RILPL2: variants seen among roughly 807,000 people sequenced by gnomAD.
The protein encoded by RILPL2 is RILP-like protein 2.
RILPL2 carries 19 observed loss-of-function variants against 22.2 expected under a neutral mutation model. The ratio of observed to expected loss-of-function variants is 0.86; its 90% CI spans 0.60 to 1.25. The LOEUF (loss-of-function observed/expected upper bound fraction) is 1.25. Ranked by LOEUF, RILPL2 falls within the 50% of genes most tolerant of loss-of-function variation. RILPL2 has a pLI of 0.00. For missense variants in RILPL2, 243 were observed against 263.6 expected, an observed-to-expected ratio of 0.92 and a Z score of 0.54; for synonymous variants, 123 against 111.6, an observed-to-expected ratio of 1.10 and a Z score of -0.64.
rs767873529 is a variant in RILPL2, at chr12:123,415,871, C to A, written c.*20G>T. 9 of 1,613,700 alleles carry A rather than the reference C, an allele frequency of 5.6e-6. No homozygotes were observed. Among genetic ancestry groups the A allele is most frequent in the Non-Finnish European group, 4.2e-6 (5 of 1,179,618 alleles). On this transcript the variant is annotated 3_prime_UTR_variant, in exon 4 of 4. Transcript: ENST00000280571. ...TTGTCTTCTAGAATCAGAGCCATAG[C>A]CTTACTTGTGGCCTTGGATCTAGGT...
At chr12:123,413,971 G>C (rs544703736), downstream of RILPL2, 3 of 152,348 alleles carry the variant, frequency 2.0e-5, no homozygotes, top group Non-Finnish European at 2.9e-5. Context: ...ACAGAGTGCC[G>C]ATTGGTGTAT....
intron 3 of RILPL2, among the ~76,000 whole-genome samples, chr12:123,418,756 C>CTTTTTTTTTTTTTTTTTTTTT (rs1202023726): frequency 2.1e-5 from 2 of 96,240 alleles, no homozygotes; most frequent in Non-Finnish European, 4.0e-5. Context: ...CTTTTTCTTT[C>CTTTTTTTTTTTTTTTTTTTTT]TTTTTTTTTT....
chr12:123,426,264 T>C (rs1879439847), intron 2 of RILPL2, among the ~76,000 whole-genome samples: 1 of 151,982 alleles, frequency 6.6e-6, no homozygotes. Context: ...TTCTTGTGCC[T>C]CAGCCTTTTC....
intron 2 of RILPL2, among the ~76,000 whole-genome samples, chr12:123,425,884 T>C (rs1156883866): frequency 1.3e-5 from 2 of 152,018 alleles, no homozygotes; most frequent in East Asian, 3.9e-4. Flanking sequence ...ACTCCTGACC[T>C]CAGGCAATCT....
chr12:123,426,349 A>G (rs1879441708), intron 2 of RILPL2, among the ~76,000 whole-genome samples: 1 of 151,728 alleles, frequency 6.6e-6, no homozygotes, highest in African/African-American at 2.4e-5. Context: ...GAGTTTTGCC[A>G]TGTTGGCCAG....
chr12:123,433,365 T>C (rs992655587), intron 1 of RILPL2, among the ~76,000 whole-genome samples: 1 of 152,124 alleles, frequency 6.6e-6, no homozygotes, highest in Non-Finnish European at 1.5e-5. Flanking sequence ...TCCCAAAGTG[T>C]TGGGATTACA....
At position 123,436,169 on chromosome 12, in the gene RILPL2, C is replaced by T; in HGVS notation, c.252G>A (p.Leu84=). ...TCTCCATCTTCAGCTCCTCCAGCGC[C>T]AGGCTGCCCTCATTCACCAGCGCCT... ...MLEALVNEGS[L]ALEELKMERD... is the part of the protein sequence containing the mutation. Residue 84 remains leucine, a synonymous_variant, in exon 1 of 4, where the codon CTG becomes CTA. Transcript: ENST00000280571. This position sits in a 1 kb window ranked among gnomAD's most constrained non-coding sequence, Gnocchi z 6.7. 1 of 1,609,586 alleles carries T rather than the reference C, an allele frequency of 6.2e-7. No homozygotes were observed. Among genetic ancestry groups the T allele is most frequent in the Admixed American group, 1.7e-5 (1 of 59,396 alleles).
At chr12:123,411,522 C>T (rs1301050550), downstream of RILPL2, 1 of 149,886 alleles carries the variant, frequency 6.7e-6, no homozygotes, top group African/African-American at 2.5e-5. Flanking sequence ...GCAACCACCT[C>T]CTGTGCCTTC....
downstream of RILPL2, chr12:123,412,521 C>T (rs1020245687): frequency 2.0e-5 from 3 of 152,282 alleles, no homozygotes; most frequent in South Asian, 6.2e-4. Flanking sequence ...CTGGACTAGA[C>T]TCTTAAACAC....
In RILPL2 at chr12:123,430,365, C is replaced by T. The variant is rs573951879; in HGVS notation, c.491+143G>A. 48 of 645,634 alleles carry T rather than the reference C, an allele frequency of 7.4e-5. 1 individual carries two copies. The highest frequency in any genetic ancestry group is 3.7e-4 in the South Asian group (14 of 37,460). The allele number at this position is 645,634 out of a possible 1,614,324, so 40.0% of individuals were successfully genotyped here. On this transcript the variant is annotated intron_variant, in intron 2 of 3. Coordinates refer to ENST00000280571, the MANE Select transcript of RILPL2 (RefSeq NM_145058.3). ...CAGAGGTTGCAGTGAGCCGAGATCG[C>T]GCCACTGCACTCCAGCCTGGGCGAC...
intron 2 of RILPL2, among the ~76,000 whole-genome samples, chr12:123,428,165 C>G (rs188409316): frequency 3.3e-4 from 51 of 152,240 alleles, no homozygotes; most frequent in Non-Finnish European, 5.6e-4. Context: ...GAGATGGAGT[C>G]TCGCTCTTCC....
intron 2 of RILPL2, among the ~76,000 whole-genome samples, chr12:123,424,393 A>G (rs1198003397): frequency 2.1e-5 from 3 of 144,378 alleles, no homozygotes; most frequent in African/African-American, 7.7e-5. Context: ...GTGCAGTGGC[A>G]CGATCTCGGC....
intron 2 of RILPL2, among the ~76,000 whole-genome samples, chr12:123,429,667 C>T (rs749148414): frequency 6.6e-5 from 10 of 150,606 alleles, no homozygotes; most frequent in Non-Finnish European, 1.0e-4. Context: ...AGTGCAGAGG[C>T]GTGATCTCGG....
rs1879797948 is a variant in RILPL2 at position 123,436,274 on chromosome 12, G to C, written c.147C>G (p.Gly49=). Reference sequence around the variant, plus strand: ...CGCTGCCCAGGGCCATAAGCTCGCGGCCCAACAGGTAGGAGATGTCATACA... The same window carrying C: ...CGCTGCCCAGGGCCATAAGCTCGCGCCCCAACAGGTAGGAGATGTCATACA... ...EDVYDISYLL[G]RELMALGSDP... is the part of the protein sequence containing the mutation. Residue 49 remains glycine (G), a synonymous_variant, in exon 1 of 4, where the codon GGC becomes GGG. Coordinates refer to ENST00000280571, the MANE Select transcript of RILPL2 (RefSeq NM_145058.3). The surrounding 1 kb of genome is among the most constrained non-coding windows in gnomAD (Gnocchi z 6.7). 6.2e-7 allele frequency: 1 copy of C among 1,608,292 alleles called. No individual in the cohort carries two copies. Among genetic ancestry groups the C allele is most frequent in the African/African-American group, 1.3e-5 (1 of 74,808 alleles).
At chr12:123,433,104 C>CTTTT (rs372639257) in intron 1 of RILPL2, among the ~76,000 whole-genome samples, 3 of 134,276 alleles carry the variant, frequency 2.2e-5, no homozygotes, top group Admixed American at 7.7e-5. Flanking sequence ...GGTTTGTATA[C>CTTTT]TTTTTTTTTT....
chr12:123,421,970 C>G (rs1473479463), intron 3 of RILPL2, among the ~76,000 whole-genome samples: 1 of 148,616 alleles, frequency 6.7e-6, no homozygotes, highest in Admixed American at 6.8e-5. Flanking sequence ...GCCTGGTCAT[C>G]GCTATTATCA....
chr12:123,421,658 G>C (rs1045261182), intron 3 of RILPL2, among the ~76,000 whole-genome samples: 3 of 151,030 alleles, frequency 2.0e-5, no homozygotes, highest in Middle Eastern at 3.2e-3. Context: ...GAGAAAGAAG[G>C]CCTGGGTTAT....
chr12:123,430,691 C>T, intron 1 of RILPL2, 32 bp from the exon 2 acceptor site: 1 of 1,414,272 alleles, frequency 7.1e-7, no homozygotes. Context: ...TTGCAAGCAA[C>T]TCTATATAAT....
rs112872714 is a variant in RILPL2 at position 123,430,403 on chromosome 12, T to C, written c.491+105A>G. The C allele has an allele frequency of 3.4e-4, 409 of 1,207,718 alleles. 3 individuals carry two copies. The highest frequency in any genetic ancestry group is 7.5e-4 in the African/African-American group (48 of 63,584). The allele number at this position is 1,207,718 out of a possible 1,614,324, so 74.8% of individuals were successfully genotyped here. A position where few individuals can be genotyped will look rare whatever the true frequency, so the allele number is the denominator to read the frequency against. On this transcript the variant is annotated intron_variant, in intron 2 of 3. Coordinates refer to ENST00000280571, the MANE Select transcript of RILPL2 (RefSeq NM_145058.3). The stretch of plus-strand genomic sequence containing the variant: ...CAGCCTGGGCGACAGAGCGAGACTC[T>C]GTCTCAAAAAAACAAAAACAAAACA...
Sources: gnomAD v4.1 joint callset for allele counts (sites outside exome capture counted in the v4.1 genomes callset) on GRCh38, gnomAD v4.1.1 for gene constraint, Gnocchi (gnomAD v3.1) non-coding constraint, MANE v1.5 for transcripts, NCBI Gene and HGNC (gene_info 2026-07-23, HGNC 2026-07-21) for gene names.